KCNG2: variants seen among roughly 807,000 people sequenced by gnomAD.
KCNG2 encodes voltage-gated potassium channel regulatory subunit KCNG2.
In KCNG2, 7 loss-of-function variants were observed where a neutral mutation model predicts 12.3. The ratio of observed to expected loss-of-function variants is 0.57; its 90% CI spans 0.32 to 1.07. KCNG2 has a LOEUF of 1.07. Ranked by LOEUF, KCNG2 falls within the 50% of genes least tolerant of loss-of-function variation. The pLI is 0.04. For synonymous variants in KCNG2, 414 were observed against 351.4 expected (o/e 1.18, Z -1.99); for missense variants, 703 against 726.0 (o/e 0.97, Z 0.36).
At chr18:79,847,011 C>T (rs1305546698) in intron 1 of KCNG2, among the ~76,000 whole-genome samples, 1 of 152,192 alleles carries the variant, frequency 6.6e-6, no homozygotes, top group East Asian at 1.9e-4. Flanking sequence ...AGGTAAGTGA[C>T]ACCTGAACCA....
intron 3 of KCNG2, among the ~76,000 whole-genome samples, chr18:79,865,292 G>A (rs1480846625): frequency 7.1e-6 from 1 of 141,504 alleles, no homozygotes; most frequent in Non-Finnish European, 1.5e-5. Flanking sequence ...AGAGGTCTGT[G>A]TGCTGAGGTC....
At chr18:79,869,396 A>G (rs1979742893) in intron 3 of KCNG2, among the ~76,000 whole-genome samples, 1 of 152,252 alleles carries the variant, frequency 6.6e-6, no homozygotes, top group African/African-American at 2.4e-5. Context: ...AGTGCTCAGG[A>G]CCTGAGAACC....
At chr18:79,818,932 T>C (rs760329139) in intron 1 of KCNG2, among the ~76,000 whole-genome samples, 2 of 152,212 alleles carry the variant, frequency 1.3e-5, no homozygotes, top group Non-Finnish European at 1.5e-5. Context: ...GCCTGTGAGA[T>C]GCGGCCATTG....
intron 1 of KCNG2, among the ~76,000 whole-genome samples, chr18:79,824,127 C>T (rs908345052): frequency 6.6e-6 from 1 of 152,226 alleles, no homozygotes; most frequent in Non-Finnish European, 1.5e-5. Flanking sequence ...CTCTCAGCCT[C>T]CCAAGTAGCT....
chr18:79,870,224 G>A (rs963252104), intron 3 of KCNG2, among the ~76,000 whole-genome samples: 14 of 152,248 alleles, frequency 9.2e-5, no homozygotes, highest in Non-Finnish European at 1.8e-4. Flanking sequence ...ACATACAGAC[G>A]GGATCACGAG....
intron 1 of KCNG2, among the ~76,000 whole-genome samples, chr18:79,799,148 G>A (rs1248975769): frequency 6.6e-6 from 1 of 152,224 alleles, no homozygotes; most frequent in East Asian, 1.9e-4. Context: ...GTAAATAATG[G>A]ATTTTGACCC....
chr18:79,830,948 G>A (rs1978294640), intron 1 of KCNG2, among the ~76,000 whole-genome samples: 2 of 42,276 alleles, frequency 4.7e-5, no homozygotes, highest in Admixed American at 4.0e-4. Context: ...TGCGGACAGA[G>A]CCTTCGTCAG....
chr18:79,899,042 C>T lies in KCNG2; in HGVS notation c.627C>T (p.Gly209=), dbSNP rs766110465. Reference sequence around the variant, plus strand: ...CCCCGTGTCCCCTCTCCCCGCAGGGCGAGTGCTCCCCCAAGTGCCGCAGCC... The same window carrying T: ...CCCCGTGTCCCCTCTCCCCGCAGGGTGAGTGCTCCCCCAAGTGCCGCAGCC... ...MPDIRAEEER[G]ECSPKCRSLF... The change falls in exon 4 of 4, where the codon GGC becomes GGT. Residue 209 remains glycine, a splice_region_variant and synonymous_variant. Transcript: ENST00000316249. The T allele has an allele frequency of 5.8e-6, 9 of 1,555,090 alleles. No homozygotes were observed. Among genetic ancestry groups the T allele is most frequent in the African/African-American group, 2.8e-5 (2 of 72,322 alleles).
intron 1 of KCNG2, among the ~76,000 whole-genome samples, chr18:79,826,825 G>C (rs1213378583): frequency 6.6e-6 from 1 of 152,134 alleles, no homozygotes; most frequent in East Asian, 1.9e-4. Context: ...AGCTCCTCAC[G>C]GAAGGTTAGT....
At chr18:79,836,347 A>G (rs1978324997) in intron 1 of KCNG2, among the ~76,000 whole-genome samples, 1 of 152,258 alleles carries the variant, frequency 6.6e-6, no homozygotes, top group South Asian at 2.1e-4. Flanking sequence ...ATATGCACAA[A>G]CAACAGAGCT....
At chr18:79,813,848 G>A (rs1207455752) in intron 1 of KCNG2, among the ~76,000 whole-genome samples, 7 of 152,150 alleles carry the variant, frequency 4.6e-5, no homozygotes, top group Admixed American at 2.0e-4. Context: ...TGCAAACCAC[G>A]TATTCACTAA....
intron 2 of KCNG2, among the ~76,000 whole-genome samples, chr18:79,859,098 T>C (rs980365056): frequency 2.0e-5 from 3 of 152,236 alleles, no homozygotes; most frequent in African/African-American, 7.2e-5. Context: ...TTTTTTCTTT[T>C]GTTGCTTGTG....
At chr18:79,840,536 A>G (rs1978426432) in intron 1 of KCNG2, among the ~76,000 whole-genome samples, 1 of 152,218 alleles carries the variant, frequency 6.6e-6, no homozygotes, top group South Asian at 2.1e-4. Context: ...CCCCAAATTG[A>G]TATAAAAATT....
chr18:79,821,259 T>A (rs1282825679), intron 1 of KCNG2, among the ~76,000 whole-genome samples: 1 of 151,682 alleles, frequency 6.6e-6, no homozygotes, highest in Non-Finnish European at 1.5e-5. Context: ...ATCTGTAAAT[T>A]TTGGCCGTCA....
intron 1 of KCNG2, among the ~76,000 whole-genome samples, chr18:79,810,725 T>C (rs1162586152): frequency 6.6e-6 from 1 of 152,150 alleles, no homozygotes; most frequent in Non-Finnish European, 1.5e-5. Context: ...AATCACACCA[T>C]CACACTCCAG....
At chr18:79,851,776 CGT>C (rs932190734) in intron 1 of KCNG2, among the ~76,000 whole-genome samples, 3 of 146,584 alleles carry the variant, frequency 2.0e-5, no homozygotes, top group Non-Finnish European at 4.5e-5. Flanking sequence ...ACTGTGAATG[CGT>C]GTGTGAATGT....
chr18:79,816,802 G>C (rs569002966), intron 1 of KCNG2, among the ~76,000 whole-genome samples: 1 of 152,232 alleles, frequency 6.6e-6, no homozygotes, highest in Non-Finnish European at 1.5e-5. Flanking sequence ...GGGGTTAGCA[G>C]AGAAAGAAAC....
chr18:79,882,407 T>G (rs1398975165), intron 3 of KCNG2, among the ~76,000 whole-genome samples: 1 of 152,138 alleles, frequency 6.6e-6, no homozygotes, highest in Non-Finnish European at 1.5e-5. Flanking sequence ...AAAACAAGCC[T>G]CAGACTGGGA....
intron 1 of KCNG2, among the ~76,000 whole-genome samples, chr18:79,845,709 T>G (rs765756334): frequency 1.3e-5 from 2 of 152,238 alleles, no homozygotes; most frequent in African/African-American, 2.4e-5. Context: ...ACCTTGCTAA[T>G]TAGATCTTAT....
Sources: gnomAD v4.1 joint callset for allele counts (sites outside exome capture counted in the v4.1 genomes callset) on GRCh38, gnomAD v4.1.1 for gene constraint, MANE v1.5 for transcripts, NCBI Gene and HGNC (gene_info 2026-07-23, HGNC 2026-07-21) for gene names.